CLEC1B: variants seen among roughly 807,000 people sequenced by gnomAD.
CLEC1B encodes C-type lectin-like receptor 2.
CLEC1B carries 26 observed loss-of-function variants against 26.7 expected under a neutral mutation model. The observed-to-expected ratio is 0.97, with a 90% CI of 0.71 to 1.35. The LOEUF (loss-of-function observed/expected upper bound fraction) is 1.35, where lower values mean the gene tolerates loss of function less well. CLEC1B is among the 40% of genes most tolerant of loss of function. The pLI is 0.00. For missense variants in CLEC1B, 293 were observed against 282.6 expected (o/e 1.04, Z -0.26); for synonymous variants, 112 against 96.0 (o/e 1.17, Z -0.97).
At chr12:9,999,918 T>C (rs549908526), upstream of CLEC1B, among the ~76,000 whole-genome samples, 1 of 152,310 alleles carries the variant, frequency 6.6e-6, no homozygotes, top group Non-Finnish European at 1.5e-5. Flanking sequence ...CCTAGCACCT[T>C]TTCATCACAA....
At chr12:9,993,714 G>A in intron 5 of CLEC1B, among the ~76,000 whole-genome samples, 1 of 152,098 alleles carries the variant, frequency 6.6e-6, no homozygotes, top group East Asian at 1.9e-4. Flanking sequence ...ATGGAAAAGT[G>A]AGTTGATTCA....
At chr12:9,999,819 G>T (rs1244598990), upstream of CLEC1B, among the ~76,000 whole-genome samples, 2 of 152,194 alleles carry the variant, frequency 1.3e-5, no homozygotes, top group African/African-American at 4.8e-5. Flanking sequence ...TTTAAAGTGA[G>T]TTTCCTGGAA....
chr12:9,994,855 A>T (rs923836412), intron 5 of CLEC1B, among the ~76,000 whole-genome samples: 35 of 151,790 alleles, frequency 2.3e-4, no homozygotes, highest in Non-Finnish European at 4.0e-4. Flanking sequence ...ACACACTCAC[A>T]CATACACATA....
At position 9,997,224 on chromosome 12, in the gene CLEC1B, C is replaced by T. The variant is rs373866361; in HGVS notation, c.219G>A (p.Leu73=). The change falls in exon 3 of 6, where the codon CTG becomes CTA. Residue 73 remains leucine (L), a synonymous_variant. Transcript: ENST00000298527. ...QGENENRTGT[L]QQLAKRFCQY... is the part of the protein sequence containing the mutation. ...GACAGAAGCGCTTTGCTAATTGTTG[C>T]AGAGTTCCTGTGCGATTTTCATTCT... is the stretch of plus-strand genomic sequence containing the variant. 1.4e-5 allele frequency: 22 copies of T among 1,613,712 alleles called. No individual in the cohort carries two copies. In the African/African-American group the frequency reaches 2.3e-4, roughly 17 times the overall value.
At chr12:9,999,221 T>G, upstream of CLEC1B, 1 of 611,594 alleles carries the variant, frequency 1.6e-6, no homozygotes, top group Middle Eastern at 2.6e-4. Context: ...GGTAGAACCA[T>G]GTGAGATGGG....
chr12:9,998,644 T>TTTTTTG (rs368929442), intron 1 of CLEC1B, among the ~76,000 whole-genome samples: 2 of 145,618 alleles, frequency 1.4e-5, no homozygotes, highest in Non-Finnish European at 3.0e-5. Flanking sequence ...GTGTTTGTAT[T>TTTTTTG]TTTTGTTTTG....
chr12:10,000,991 G>C (rs1865152033), upstream of CLEC1B, among the ~76,000 whole-genome samples: 1 of 152,312 alleles, frequency 6.6e-6, no homozygotes, highest in African/African-American at 2.4e-5. Flanking sequence ...TAGTACAAAT[G>C]ACACTTTTCC....
In CLEC1B at chr12:9,998,328, G is replaced by A. The variant is rs760956833; in HGVS notation, c.117C>T (p.Ile39=). 1.2e-6 allele frequency: 2 copies of A among 1,614,028 alleles called. No individual in the cohort carries two copies. The highest frequency in any genetic ancestry group is 1.1e-5 in the South Asian group (1 of 91,076). The change falls in exon 2 of 6, where the codon ATC becomes ATT. Residue 39 remains isoleucine (I), a synonymous_variant. Transcript: ENST00000298527. ...WWRVMALILL[I]LCVGMVVGLV... is the part of the protein sequence containing the mutation. Reference sequence around the variant, plus strand: ...GCCCGACAACCATCCCCACGCACAGGATCAGCAGAATCAAAGCCATCACAC... The same window carrying A: ...GCCCGACAACCATCCCCACGCACAGAATCAGCAGAATCAAAGCCATCACAC...
intron 4 of CLEC1B, 134 bp from the exon 5 acceptor site, chr12:9,995,380 T>C: frequency 1.3e-6 from 1 of 776,430 alleles, no homozygotes; most frequent in Non-Finnish European, 2.3e-6. Flanking sequence ...TGGATTACAT[T>C]TGATGTTTGA....
chr12:9,997,574 C>T (rs1865084439), intron 2 of CLEC1B, among the ~76,000 whole-genome samples: 1 of 152,168 alleles, frequency 6.6e-6, no homozygotes, highest in Non-Finnish European at 1.5e-5. Context: ...TGAATACAAG[C>T]TTCTCAGCTG....
chr12:9,995,077 G>A, intron 5 of CLEC1B, 63 bp downstream of exon 5: 1 of 1,602,310 alleles, frequency 6.2e-7, no homozygotes, highest in Non-Finnish European at 8.5e-7. Flanking sequence ...ACTGAGAGAA[G>A]AGGGAATCTC....
At chr12:10,001,493 A>C (rs1865158600), upstream of CLEC1B, among the ~76,000 whole-genome samples, 1 of 152,324 alleles carries the variant, frequency 6.6e-6, no homozygotes, top group South Asian at 2.1e-4. Flanking sequence ...TGTGTTCCAC[A>C]AAATATACGT....
intron 5 of CLEC1B, among the ~76,000 whole-genome samples, chr12:9,994,762 T>C (rs902507000): frequency 5.3e-5 from 8 of 152,064 alleles, no homozygotes; most frequent in African/African-American, 1.9e-4. Context: ...TGATATGAAA[T>C]TTTGTTTTAA....
rs781594653 is a variant in CLEC1B, at chr12:9,993,269, A to G, written c.564T>C (p.Asp188=). 1.2e-6 allele frequency: 2 copies of G among 1,612,728 alleles called. No individual in the cohort carries two copies. Among genetic ancestry groups the G allele is most frequent in the Non-Finnish European group, 1.7e-6 (2 of 1,179,042 alleles). ...AAGCACAATTCATATTTCCTTTTCCATCTTCCAAAAACTCAAACCTGTGAA... is the reference window on the plus strand; with the variant it reads ...AAGCACAATTCATATTTCCTTTTCCGTCTTCCAAAAACTCAAACCTGTGAA... ...ISENMFEFLE[D]GKGNMNCAYF... The change falls in exon 6 of 6, where the codon GAT becomes GAC. Residue 188 remains aspartate (D), a synonymous_variant. Coordinates refer to ENST00000298527, the MANE Select transcript of CLEC1B (RefSeq NM_016509.4).
chr12:9,998,707 T>C (rs1395878265), intron 1 of CLEC1B, among the ~76,000 whole-genome samples: 2 of 152,166 alleles, frequency 1.3e-5, no homozygotes, highest in Non-Finnish European at 2.9e-5. Context: ...AATAATTGCT[T>C]TAATAAACAG....
intron 2 of CLEC1B, among the ~76,000 whole-genome samples, chr12:9,997,985 G>A (rs1489847810): frequency 6.6e-6 from 1 of 152,142 alleles, no homozygotes; most frequent in African/African-American, 2.4e-5. Context: ...TGCAAGATAG[G>A]AAAAGGGATG....
intron 5 of CLEC1B, among the ~76,000 whole-genome samples, chr12:9,994,852 C>CACACAT (rs1864996303): frequency 6.6e-6 from 1 of 151,850 alleles, no homozygotes. Context: ...CACACACACT[C>CACACAT]ACACATACAC....
In CLEC1B at chr12:9,997,287, T is replaced by TA; in HGVS notation, c.164-9dup. ...AATTGCGCTGCATGACAGCTAGGTT[T>TA]AAAAAGTAAATAATAATAATTTGTA... On this transcript the variant is annotated splice_polypyrimidine_tract_variant and intron_variant, in intron 2 of 5. Transcript: ENST00000298527. 6.2e-7 allele frequency: 1 copy of TA among 1,601,944 alleles called. No homozygotes were observed. The highest frequency in any genetic ancestry group is 8.5e-7 in the Non-Finnish European group (1 of 1,172,616).
intron 2 of CLEC1B, among the ~76,000 whole-genome samples, chr12:9,998,001 G>A (rs1043181481): frequency 1.3e-5 from 2 of 151,764 alleles, no homozygotes; most frequent in Non-Finnish European, 2.9e-5. Context: ...GGATGAAAAA[G>A]TTTTTAAAAA....
Sources: allele counts gnomAD v4.1 joint callset (sites outside exome capture counted in the v4.1 genomes callset), GRCh38; gene constraint gnomAD v4.1.1; transcripts MANE v1.5; gene names NCBI Gene and HGNC (gene_info 2026-07-23, HGNC 2026-07-21).